Variants in CNTNAP2 observed in about 807,000 individuals in gnomAD.
The protein encoded by CNTNAP2 is contactin associated protein 2.
A neutral mutation model predicts 155.2 loss-of-function variants in CNTNAP2; 98 were observed. That is an observed-to-expected ratio of 0.63 (90% CI 0.54 to 0.75). The LOEUF (loss-of-function observed/expected upper bound fraction) is 0.75, where lower values mean the gene tolerates loss of function less well. CNTNAP2 is among the 30% of genes least tolerant of loss of function. The probability of loss-of-function intolerance (pLI) is 0.00; values close to 1 mark genes in which losing one functional copy is unlikely to be tolerated. For missense variants in CNTNAP2, 1,727 were observed against 1,688.1 expected (o/e 1.02, Z -0.40); for synonymous variants, 651 against 631.2 (o/e 1.03, Z -0.47).
At chr7:147,285,908 C>T (rs1563146305) in intron 8 of CNTNAP2, among the ~76,000 whole-genome samples, 1 of 152,080 alleles carries the variant, frequency 6.6e-6, no homozygotes, top group Non-Finnish European at 1.5e-5. Context: ...CTAATCTCAG[C>T]TACACTCTGT....
At chr7:146,841,634 T>C (rs752129693) in intron 3 of CNTNAP2, among the ~76,000 whole-genome samples, 4 of 152,230 alleles carry the variant, frequency 2.6e-5, no homozygotes, top group African/African-American at 4.8e-5. Context: ...CAAGTCAGAC[T>C]CTGAAATACT....
chr7:146,671,349 T>A (rs1324371600), intron 1 of CNTNAP2, among the ~76,000 whole-genome samples: 1 of 151,994 alleles, frequency 6.6e-6, no homozygotes, highest in Non-Finnish European at 1.5e-5. Context: ...GCTATCATAC[T>A]CTTCCTTTAA....
At chr7:146,927,503 A>C (rs1001322137) in intron 3 of CNTNAP2, among the ~76,000 whole-genome samples, 5 of 149,718 alleles carry the variant, frequency 3.3e-5, no homozygotes, top group African/African-American at 1.3e-4. Context: ...GATTAACTTT[A>C]AAACATAATG....
At chr7:147,322,511 A>G (rs564701447) in intron 9 of CNTNAP2, among the ~76,000 whole-genome samples, 1 of 152,012 alleles carries the variant, frequency 6.6e-6, no homozygotes, top group East Asian at 1.9e-4. Flanking sequence ...ATCAGTGTTC[A>G]TCAAGGATAT....
intron 2 of CNTNAP2, among the ~76,000 whole-genome samples, chr7:146,826,834 A>G (rs887088786): frequency 2.1e-5 from 3 of 140,104 alleles, no homozygotes; most frequent in African/African-American, 9.3e-5. Context: ...GAATGAATAT[A>G]TGTATATATA....
intron 8 of CNTNAP2, among the ~76,000 whole-genome samples, chr7:147,163,674 G>C (rs1486515526): frequency 6.6e-6 from 1 of 151,978 alleles, no homozygotes; most frequent in Non-Finnish European, 1.5e-5. Flanking sequence ...CATCCTCTAT[G>C]GTATCTAGAA....
rs1331007500 is a variant in CNTNAP2 at position 147,595,601 on chromosome 7, T to C, written c.1897+33344T>C. ...CAAATGATCTAGTGAAGAGTATTCT[T>C]CATCTTGCTTTCCATAATAACTTAC... On this transcript the variant is annotated intron_variant, in intron 12 of 23. Transcript: ENST00000361727. 2.6e-5 allele frequency among the ~76,000 whole-genome samples: 4 copies of C among 152,240 alleles called. 1 individual carries two copies. Among genetic ancestry groups the C allele is most frequent in the African/African-American group, 9.6e-5 (4 of 41,470 alleles).
intron 1 of CNTNAP2, among the ~76,000 whole-genome samples, chr7:146,599,687 C>T (rs1046033157): frequency 6.6e-5 from 10 of 151,476 alleles, no homozygotes; most frequent in African/African-American, 2.2e-4. Flanking sequence ...TGTGTGAGCC[C>T]TCTCACACAA....
intron 15 of CNTNAP2, among the ~76,000 whole-genome samples, chr7:148,066,493 C>A (rs910580939): frequency 1.3e-5 from 2 of 151,854 alleles, no homozygotes; most frequent in Non-Finnish European, 2.9e-5. Context: ...ATTCTTTTTT[C>A]TTTTTTTCTT....
At chr7:148,318,513 G>C (rs1303631286) in intron 21 of CNTNAP2, among the ~76,000 whole-genome samples, 1 of 152,146 alleles carries the variant, frequency 6.6e-6, no homozygotes. Context: ...TGATTGTTCA[G>C]TGAATCCCAA....
At chr7:146,898,633 T>G (rs1009834470) in intron 3 of CNTNAP2, among the ~76,000 whole-genome samples, 1 of 152,018 alleles carries the variant, frequency 6.6e-6, no homozygotes, top group African/African-American at 2.4e-5. Flanking sequence ...AAAATAAATA[T>G]CAGCTATAAG....
intron 3 of CNTNAP2, among the ~76,000 whole-genome samples, chr7:147,016,485 A>G (rs769160864): frequency 2.2e-4 from 34 of 152,098 alleles, no homozygotes; most frequent in Admixed American, 6.6e-5. Context: ...TGTTTGGCTT[A>G]TCAGAAATCC....
chr7:147,474,012 G>A (rs923330045), intron 10 of CNTNAP2, among the ~76,000 whole-genome samples: 7 of 152,060 alleles, frequency 4.6e-5, no homozygotes, highest in Non-Finnish European at 1.0e-4. Context: ...CTTGGAGGCG[G>A]AGGTTGTGGT....
chr7:146,595,782 A>G (rs1322993149), intron 1 of CNTNAP2, among the ~76,000 whole-genome samples: 1 of 152,046 alleles, frequency 6.6e-6, no homozygotes, highest in East Asian at 1.9e-4. Flanking sequence ...TCTTAATTTC[A>G]TATACATAAA....
intron 18 of CNTNAP2, among the ~76,000 whole-genome samples, chr7:148,215,433 CTT>C (rs961955913): frequency 3.3e-5 from 5 of 151,292 alleles, no homozygotes; most frequent in African/African-American, 1.2e-4. Flanking sequence ...CAATGTTGTG[CTT>C]TTTGCAGAGT....
chr7:148,166,652 C>A (rs1805667755), intron 17 of CNTNAP2, among the ~76,000 whole-genome samples: 1 of 152,148 alleles, frequency 6.6e-6, no homozygotes, highest in Non-Finnish European at 1.5e-5. Flanking sequence ...ACTTGCAAAG[C>A]ATTTCACAAG....
chr7:148,088,645 A>G (rs1232095839), intron 15 of CNTNAP2, among the ~76,000 whole-genome samples: 1 of 151,944 alleles, frequency 6.6e-6, no homozygotes, highest in Non-Finnish European at 1.5e-5. Context: ...CAAACCATTA[A>G]TGAGTGAGGA....
intron 1 of CNTNAP2, among the ~76,000 whole-genome samples, chr7:146,616,509 C>A (rs1401597402): frequency 4.6e-5 from 7 of 152,088 alleles, no homozygotes; most frequent in African/African-American, 1.7e-4. Context: ...TCACTTAACC[C>A]CAGCTTCAAT....
At chr7:147,808,044 G>A (rs1424864772) in intron 13 of CNTNAP2, among the ~76,000 whole-genome samples, 1 of 151,236 alleles carries the variant, frequency 6.6e-6, no homozygotes, top group Non-Finnish European at 1.5e-5. Context: ...AATAAATTTT[G>A]ACTTGACATG....
Sources: allele counts gnomAD v4.1 joint callset (sites outside exome capture counted in the v4.1 genomes callset), GRCh38; gene constraint gnomAD v4.1.1; transcripts MANE v1.5; gene names NCBI Gene and HGNC (gene_info 2026-07-23, HGNC 2026-07-21).